Variants in NLK observed in about 807,000 individuals in gnomAD.
NLK encodes the protein serine/threonine-protein kinase NLK.
A neutral mutation model predicts 59.0 loss-of-function variants in NLK; 11 were observed. The observed-to-expected ratio is 0.19, with a 90% confidence interval of 0.12 to 0.31. The LOEUF (loss-of-function observed/expected upper bound fraction) is 0.31, where lower values mean the gene tolerates loss of function less well. NLK is among the 10% of genes least tolerant of loss of function. The pLI is 1.00. For synonymous variants in NLK, 235 were observed against 235.9 expected (o/e 1.00, Z 0.03); for missense variants, 410 against 661.1 (o/e 0.62, Z 4.16).
chr17:28,159,455 G>A (rs1907916294), intron 3 of NLK, among the ~76,000 whole-genome samples: 1 of 151,930 alleles, frequency 6.6e-6, no homozygotes, highest in Non-Finnish European at 1.5e-5. Flanking sequence ...GGTCATCTCT[G>A]CGTAATTTTC....
At chr17:28,199,275 A>T (rs1483944827), downstream of NLK, among the ~76,000 whole-genome samples, 2 of 152,210 alleles carry the variant, frequency 1.3e-5, no homozygotes, top group Non-Finnish European at 2.9e-5. Context: ...ATGGTGCAAC[A>T]GCTGTGGAAA....
intron 7 of NLK, among the ~76,000 whole-genome samples, chr17:28,174,396 A>G (rs1261100878): frequency 6.6e-6 from 1 of 151,892 alleles, no homozygotes; most frequent in African/African-American, 2.4e-5. Flanking sequence ...ACCTTAAGGG[A>G]GCACTGTGGT....
intron 5 of NLK, among the ~76,000 whole-genome samples, chr17:28,164,129 G>A (rs1180373861): frequency 2.6e-5 from 4 of 152,126 alleles, no homozygotes; most frequent in Admixed American, 6.5e-5. Flanking sequence ...CAGCATTTTG[G>A]GAGGCTGAGG....
intron 7 of NLK, among the ~76,000 whole-genome samples, chr17:28,173,230 A>G (rs1360436863): frequency 6.6e-6 from 1 of 152,216 alleles, no homozygotes; most frequent in East Asian, 1.9e-4. Flanking sequence ...AGAACAGCTT[A>G]ATGATGTGAA....
intron 1 of NLK, among the ~76,000 whole-genome samples, chr17:28,095,826 CTG>C (rs1365776245): frequency 6.6e-6 from 1 of 152,204 alleles, no homozygotes; most frequent in African/African-American, 2.4e-5. Flanking sequence ...CTGACACTCA[CTG>C]TAAGTATTCT....
intron 6 of NLK, chr17:28,171,086 G>C (rs1908443366): frequency 6.6e-6 from 1 of 152,154 alleles, no homozygotes; most frequent in African/African-American, 2.4e-5. Context: ...CTTTCTGAAT[G>C]TTTCAGTTTG....
At chr17:28,146,262 TACTC>T (rs549343093) in intron 3 of NLK, among the ~76,000 whole-genome samples, 119 of 152,298 alleles carry the variant, frequency 7.8e-4, no homozygotes, top group African/African-American at 2.6e-3. Flanking sequence ...ATGATATTCT[TACTC>T]ACAGTTATTT....
In NLK at chr17:28,161,146, C is replaced by T; in HGVS notation, c.645-14C>T. 1 of 1,509,254 alleles carries T rather than the reference C, an allele frequency of 6.6e-7. No homozygotes were observed. The allele number at this position is 1,509,254 out of a possible 1,614,324, so 93.5% of individuals were successfully genotyped here. On this transcript the variant is annotated splice_polypyrimidine_tract_variant and intron_variant, in intron 3 of 10. Coordinates refer to ENST00000407008, the MANE Select transcript of NLK (RefSeq NM_016231.5). ...ACTGAATTCGCCGAACTCTCCTTAA[C>T]TTAAAACTTCAAGATATGTTGTCAC...
intron 1 of NLK, among the ~76,000 whole-genome samples, chr17:28,082,562 A>G (rs1375271186): frequency 6.6e-6 from 1 of 152,102 alleles, no homozygotes; most frequent in Non-Finnish European, 1.5e-5. Flanking sequence ...AGCTGGGAAA[A>G]AGAGTAGGTG....
intron 1 of NLK, among the ~76,000 whole-genome samples, chr17:28,065,544 T>G (rs1282793075): frequency 6.6e-6 from 1 of 152,198 alleles, no homozygotes; most frequent in Non-Finnish European, 1.5e-5. Context: ...ATTGAATGAC[T>G]TAAATGATTA....
In NLK at chr17:28,042,692, A is replaced by G. The variant is rs1410585793; in HGVS notation, c.-182A>G. The G allele has an allele frequency of 4.3e-6, 2 of 469,668 alleles. No homozygotes were observed. The highest frequency in any genetic ancestry group is 2.0e-5 in the African/African-American group (1 of 48,810). 29.1% of individuals were successfully genotyped at this position (469,668 alleles called of 1,614,324 possible). On this transcript the variant is annotated 5_prime_UTR_variant, in exon 1 of 11. Transcript: ENST00000407008. ...CTTTTTTTTCCTTTTGGCAACCCAC[A>G]CCCTTCCACACACGCTCACCCCAAA...
chr17:28,117,574 T>C (rs1905835851), intron 1 of NLK, among the ~76,000 whole-genome samples: 1 of 152,200 alleles, frequency 6.6e-6, no homozygotes, highest in Non-Finnish European at 1.5e-5. Flanking sequence ...CAGTCAAATA[T>C]AGATATTTTG....
At chr17:28,179,872 G>GTTTTTTTTTTTTTTTTTTTTTTTT (rs34411493) in intron 7 of NLK, among the ~76,000 whole-genome samples, 9 of 79,432 alleles carry the variant, frequency 1.1e-4, no homozygotes, top group East Asian at 4.4e-4. Flanking sequence ...AGCATTCTTG[G>GTTTTTTTTTTTTTTTTTTTTTTTT]TTTTTTTTTT....
intron 1 of NLK, among the ~76,000 whole-genome samples, chr17:28,089,733 G>C (rs1357592934): frequency 6.6e-6 from 1 of 152,022 alleles, no homozygotes; most frequent in East Asian, 1.9e-4. Flanking sequence ...TACTTAGTAT[G>C]GTTAGTTTTT....
intron 1 of NLK, among the ~76,000 whole-genome samples, chr17:28,101,871 A>G (rs1904914080): frequency 6.6e-6 from 1 of 152,166 alleles, no homozygotes; most frequent in South Asian, 2.1e-4. Flanking sequence ...TTGTCCTTAT[A>G]TAGGTATAAA....
chr17:28,147,767 G>T (rs1907318109), intron 3 of NLK, among the ~76,000 whole-genome samples: 1 of 152,098 alleles, frequency 6.6e-6, no homozygotes, highest in South Asian at 2.1e-4. Context: ...TGTCCTCCAT[G>T]ATAACGTTTT....
Position 28,106,360 on chromosome 17 carries a change from C to A in NLK, c.459-16243C>A, listed in dbSNP as rs140839456. On this transcript the variant is annotated intron_variant, in intron 1 of 10. Coordinates refer to ENST00000407008, the MANE Select transcript of NLK (RefSeq NM_016231.5). Reference sequence around the variant, plus strand: ...TGAAAATACATAAAATAGCCTAGAACTTCTTTTGTAAAATTGAGGTATATC... The same window carrying A: ...TGAAAATACATAAAATAGCCTAGAAATTCTTTTGTAAAATTGAGGTATATC... Among the ~76,000 whole-genome samples, 277 of 152,198 alleles carry A rather than the reference C, an allele frequency of 1.8e-3. 1 individual carries two copies. The highest frequency in any genetic ancestry group is 6.3e-3 in the African/African-American group (261 of 41,540).
At chr17:28,112,833 A>G (rs1008747844) in intron 1 of NLK, among the ~76,000 whole-genome samples, 1 of 152,168 alleles carries the variant, frequency 6.6e-6, no homozygotes, top group African/African-American at 2.4e-5. Context: ...TTCCTGTGGA[A>G]TGCTTCCTAA....
At chr17:28,092,953 G>A (rs1904558651) in intron 1 of NLK, among the ~76,000 whole-genome samples, 1 of 151,800 alleles carries the variant, frequency 6.6e-6, no homozygotes, top group South Asian at 2.1e-4. Context: ...GTGCCACCAA[G>A]CCCAGCTAAT....
Sources: gnomAD v4.1 joint callset for allele counts (sites outside exome capture counted in the v4.1 genomes callset) on GRCh38, gnomAD v4.1.1 for gene constraint, MANE v1.5 for transcripts, NCBI Gene and HGNC (gene_info 2026-07-23, HGNC 2026-07-21) for gene names.